The following SNX29 variants were observed in gnomAD, a reference collection of about 807,000 sequenced individuals.
The protein encoded by SNX29 is sorting nexin 29.
SNX29 carries 78 observed loss-of-function variants against 102.1 expected under a neutral mutation model. That is an observed-to-expected ratio of 0.76 (90% confidence interval 0.64 to 0.92). The LOEUF is 0.92. Among genes scored for constraint, SNX29 ranks in the 40% least tolerant of loss-of-function variants. The probability of loss-of-function intolerance (pLI) is 0.00; values close to 1 mark genes in which losing one functional copy is unlikely to be tolerated. For synonymous variants in SNX29, 580 were observed against 414.5 expected (o/e 1.40, Z -4.85); for missense variants, 1,280 against 1,061.7 (o/e 1.21, Z -2.86).
chr16:12,001,688 G>A (rs538253243), intron 2 of SNX29, among the ~76,000 whole-genome samples: 13 of 151,986 alleles, frequency 8.6e-5, no homozygotes, highest in Admixed American at 3.3e-4. Flanking sequence ...CCCTGCAAGC[G>A]TGCTACCCAT....
intron 15 of SNX29, among the ~76,000 whole-genome samples, chr16:12,355,683 G>C (rs2082110150): frequency 6.6e-6 from 1 of 152,002 alleles, no homozygotes; most frequent in South Asian, 2.1e-4. Flanking sequence ...GGGATCAGCT[G>C]AGAATATCGA....
chr16:12,435,852 T>C (rs565678987), intron 18 of SNX29, among the ~76,000 whole-genome samples: 17 of 152,138 alleles, frequency 1.1e-4, no homozygotes, highest in Admixed American at 2.6e-4. Flanking sequence ...ATGGCAGGTG[T>C]AGTCCCAGCT....
chr16:12,399,609 T>G (rs936260243), intron 17 of SNX29, among the ~76,000 whole-genome samples: 1 of 152,132 alleles, frequency 6.6e-6, no homozygotes, highest in African/African-American at 2.4e-5. Flanking sequence ...GGCCTCACTT[T>G]CCTAATTTGT....
chr16:12,058,807 T>G (rs1596726228), intron 8 of SNX29, among the ~76,000 whole-genome samples: 4 of 137,448 alleles, frequency 2.9e-5, no homozygotes, highest in Non-Finnish European at 4.8e-5. Flanking sequence ...GTTTTTTTTT[T>G]TTTTTTTTTT....
intron 18 of SNX29, among the ~76,000 whole-genome samples, chr16:12,457,740 G>A (rs565116925): frequency 6.6e-6 from 1 of 152,280 alleles, no homozygotes; most frequent in South Asian, 2.1e-4. Flanking sequence ...GTTCATCCCA[G>A]CCCCATCTTG....
At chr16:12,377,920 C>G (rs560565802) in intron 16 of SNX29, among the ~76,000 whole-genome samples, 2 of 152,246 alleles carry the variant, frequency 1.3e-5, no homozygotes, top group African/African-American at 4.8e-5. Context: ...TTTTCATTTT[C>G]AGGCCTTGGC....
chr16:12,549,302 C>G lies in SNX29; in HGVS notation c.2319-19204C>G, dbSNP rs145340364. On this transcript the variant is annotated intron_variant, in intron 20 of 20. Coordinates refer to ENST00000566228, the MANE Select transcript of SNX29 (RefSeq NM_032167.5). ...TCAGGGTCAGAAGTTGGAAACCAGC[C>G]TGGTCAATATGACAAAACCCCATGT... is the stretch of plus-strand genomic sequence containing the variant. Among the ~76,000 whole-genome samples the G allele has an allele frequency of 2.0e-3, 297 of 152,240 alleles. 2 individuals are homozygous for G. The highest frequency in any genetic ancestry group is 7.0e-3 in the African/African-American group (290 of 41,534).
intron 15 of SNX29, among the ~76,000 whole-genome samples, chr16:12,351,820 A>G (rs1295948650): frequency 1.3e-5 from 2 of 152,140 alleles, no homozygotes; most frequent in Non-Finnish European, 1.5e-5. Context: ...AGGGCTACCA[A>G]ATAGGCATCA....
chr16:12,098,976 G>T lies in SNX29; in HGVS notation c.1402+20061G>T, dbSNP rs2052888486. On this transcript the variant is annotated intron_variant, in intron 11 of 20. Transcript: ENST00000566228. This position sits in a 1 kb window ranked among gnomAD's most constrained non-coding sequence, Gnocchi z 6.0. ...CCTGCATTGTGGGAGCAGAGAGTAC[G>T]GGACAGAAAGAGTGAGGGTGGGAAC... 6.6e-6 allele frequency among the ~76,000 whole-genome samples: 1 copy of T among 151,998 alleles called. No homozygotes were observed. Among genetic ancestry groups the T allele is most frequent in the South Asian group, 2.1e-4 (1 of 4,818 alleles).
At chr16:12,079,540 A>G (rs34424404) in intron 11 of SNX29, among the ~76,000 whole-genome samples, 38 of 152,170 alleles carry the variant, frequency 2.5e-4, no homozygotes, top group Non-Finnish European at 4.9e-4. Flanking sequence ...TTTTGTTGCT[A>G]AGGAAGGAAG....
intron 20 of SNX29, among the ~76,000 whole-genome samples, chr16:12,527,670 C>T (rs766869035): frequency 9.9e-5 from 15 of 152,180 alleles, no homozygotes; most frequent in Non-Finnish European, 1.8e-4. Flanking sequence ...GGTCCCCACC[C>T]AGCACGTGGG....
At chr16:12,159,989 C>T (rs1478322578) in intron 13 of SNX29, among the ~76,000 whole-genome samples, 3 of 152,262 alleles carry the variant, frequency 2.0e-5, no homozygotes, top group African/African-American at 7.2e-5. Flanking sequence ...TTCTTCACCT[C>T]TCTTGTCTCT....
At chr16:12,248,608 G>A (rs918251487) in intron 14 of SNX29, among the ~76,000 whole-genome samples, 1 of 151,892 alleles carries the variant, frequency 6.6e-6, no homozygotes, top group Non-Finnish European at 1.5e-5. Context: ...TGGCGAGGGG[G>A]TCTCGCCAGA....
chr16:12,523,031 C>G (rs1023849057), intron 19 of SNX29, among the ~76,000 whole-genome samples: 2 of 152,184 alleles, frequency 1.3e-5, no homozygotes, highest in Non-Finnish European at 2.9e-5. Context: ...AGGCTGGTCT[C>G]AAACTCCTGG....
intron 20 of SNX29, among the ~76,000 whole-genome samples, chr16:12,531,304 C>T (rs891377932): frequency 6.6e-6 from 1 of 152,214 alleles, no homozygotes; most frequent in Non-Finnish European, 1.5e-5. Flanking sequence ...TCTCTGGGGG[C>T]TGGAGCCCTG....
chr16:12,485,991 A>G (rs1187482555), intron 19 of SNX29, among the ~76,000 whole-genome samples: 2 of 152,152 alleles, frequency 1.3e-5, no homozygotes, highest in Admixed American at 6.5e-5. Flanking sequence ...AACAACACAC[A>G]TTTATTCTAG....
intron 16 of SNX29, among the ~76,000 whole-genome samples, chr16:12,361,736 A>G (rs1248567139): frequency 1.3e-5 from 2 of 152,124 alleles, no homozygotes; most frequent in Non-Finnish European, 2.9e-5. Flanking sequence ...ACTAATGGTA[A>G]TATTTTTGCT....
At position 12,573,691 on chromosome 16, in the gene SNX29, A is replaced by G. The variant is rs941091496; in HGVS notation, c.*5062A>G. On this transcript the variant is annotated 3_prime_UTR_variant, in exon 21 of 21. Coordinates refer to ENST00000566228, the MANE Select transcript of SNX29 (RefSeq NM_032167.5). ...AGGTAAGACAGAGGATGCCCTTGCA[A>G]AAATTGGGACTGAGGACAGTAGCAC... 3.6e-5 allele frequency: 8 copies of G among 223,358 alleles called. No individual in the cohort carries two copies. Among genetic ancestry groups the G allele is most frequent in the African/African-American group, 1.3e-4 (6 of 44,766 alleles). 13.8% of individuals were successfully genotyped at this position (223,358 alleles called of 1,614,324 possible). A position where few individuals can be genotyped will look rare whatever the true frequency, so the allele number is the denominator to read the frequency against.
At chr16:12,548,537 G>A (rs1003441307) in intron 20 of SNX29, among the ~76,000 whole-genome samples, 4 of 152,186 alleles carry the variant, frequency 2.6e-5, no homozygotes, top group Non-Finnish European at 4.4e-5. Flanking sequence ...GCAGCCTTCT[G>A]GGAATTCCCT....
Sources: allele counts gnomAD v4.1 joint callset (sites outside exome capture counted in the v4.1 genomes callset), GRCh38; gene constraint gnomAD v4.1.1; non-coding constraint Gnocchi (gnomAD v3.1); transcripts MANE v1.5; gene names NCBI Gene and HGNC (gene_info 2026-07-23, HGNC 2026-07-21).